ARG2: variants seen among roughly 807,000 people sequenced by gnomAD.
ARG2 encodes arginase 2, also known as arginase-2, mitochondrial.
A neutral mutation model predicts 39.4 loss-of-function variants in ARG2; 21 were observed. That is an observed-to-expected ratio of 0.53 (90% CI 0.38 to 0.77). The LOEUF (loss-of-function observed/expected upper bound fraction) is 0.77, where lower values mean the gene tolerates loss of function less well. Ranked by LOEUF, ARG2 falls within the 30% of genes least tolerant of loss-of-function variation. The pLI is 0.00. For missense variants in ARG2, 378 were observed against 426.2 expected, an observed-to-expected ratio of 0.89 and a Z score of 1.00; for synonymous variants, 150 against 156.7, an observed-to-expected ratio of 0.96 and a Z score of 0.32.
intron 6 of ARG2, 199 bp from the exon 7 acceptor site, chr14:67,647,848 T>C: frequency 1.7e-6 from 1 of 584,032 alleles, no homozygotes; most frequent in Non-Finnish European, 3.0e-6. Flanking sequence ...TATCATGAAG[T>C]GGTATGTAGG....
At chr14:67,623,750 C>T (rs1357787973) in intron 2 of ARG2, among the ~76,000 whole-genome samples, 2 of 152,166 alleles carry the variant, frequency 1.3e-5, no homozygotes, top group African/African-American at 4.8e-5. Context: ...CCATGTTGGC[C>T]AGGCTGATCT....
At chr14:67,650,518 C>T (rs2037158865) in intron 7 of ARG2, 197 bp from the exon 8 acceptor site, 4 of 600,190 alleles carry the variant, frequency 6.7e-6, no homozygotes, top group Non-Finnish European at 1.2e-5. Context: ...TTTTAATCTA[C>T]TATAGCACAA....
chr14:67,642,064 A>T (rs1330589674), intron 2 of ARG2, 122 bp from the exon 3 acceptor site: 2 of 1,003,144 alleles, frequency 2.0e-6, no homozygotes, highest in African/African-American at 3.2e-5. Context: ...GACATTTTAA[A>T]TTTTACTGTG....
At chr14:67,622,396 T>G (rs2036819975) in intron 2 of ARG2, among the ~76,000 whole-genome samples, 1 of 152,198 alleles carries the variant, frequency 6.6e-6, no homozygotes, top group African/African-American at 2.4e-5. Context: ...TGAGTTGAGG[T>G]GTCCTTCATA....
At chr14:67,648,478 TA>T (rs1201798838) in intron 7 of ARG2, 1 of 225,452 alleles carries the variant, frequency 4.4e-6, no homozygotes, top group African/African-American at 2.3e-5. Flanking sequence ...TTGAGTTATC[TA>T]AAGGCAGATT....
chr14:67,638,255 G>A (rs2036993213), intron 2 of ARG2, among the ~76,000 whole-genome samples: 1 of 152,014 alleles, frequency 6.6e-6, no homozygotes, highest in African/African-American at 2.4e-5. Flanking sequence ...CAGGCATGGT[G>A]GCTCACATCT....
At position 67,651,242 on chromosome 14, in the gene ARG2, C is replaced by T; in HGVS notation, c.*322C>T. On this transcript the variant is annotated 3_prime_UTR_variant, in exon 8 of 8. Transcript: ENST00000261783. ...CACATTTAAGTGGTTTTTCATCTTT[C>T]CTCCCTCCTCCCACAGCCTGGCTAT... The T allele has an allele frequency of 6.7e-7, 1 of 1,495,486 alleles. No homozygotes were observed. Among genetic ancestry groups the T allele is most frequent in the Admixed American group, 2.3e-5 (1 of 43,018 alleles). 92.6% of individuals were successfully genotyped at this position (1,495,486 alleles called of 1,614,324 possible). A position where few individuals can be genotyped will look rare whatever the true frequency, so the allele number is the denominator to read the frequency against.
chr14:67,638,242 G>A (rs76614406), intron 2 of ARG2, among the ~76,000 whole-genome samples: 2,853 of 152,064 alleles, frequency 0.019, 40 homozygotes, highest in Middle Eastern at 0.054. Flanking sequence ...CCTATAACTA[G>A]CCCAGGCATG....
In ARG2 at chr14:67,651,460, C is replaced by T; in HGVS notation, c.*540C>T. On this transcript the variant is annotated 3_prime_UTR_variant, in exon 8 of 8. Transcript: ENST00000261783. ...GCTCCAGTAAGATGATAATGGAAAGCAGCAGCTTGTTGGTTGTCACTCTAC... is the reference window on the plus strand; with the variant it reads ...GCTCCAGTAAGATGATAATGGAAAGTAGCAGCTTGTTGGTTGTCACTCTAC... 3 of 1,613,856 alleles carry T rather than the reference C, an allele frequency of 1.9e-6. No individual in the cohort carries two copies. Among genetic ancestry groups the T allele is most frequent in the Non-Finnish European group, 2.5e-6 (3 of 1,179,772 alleles).
chr14:67,640,879 G>A (rs2037022889), intron 2 of ARG2, among the ~76,000 whole-genome samples: 1 of 152,182 alleles, frequency 6.6e-6, no homozygotes, highest in South Asian at 2.1e-4. Flanking sequence ...AAGGATAGAG[G>A]TTGAGCGTCC....
At chr14:67,631,309 C>T (rs2036915755) in intron 2 of ARG2, among the ~76,000 whole-genome samples, 1 of 152,136 alleles carries the variant, frequency 6.6e-6, no homozygotes, top group South Asian at 2.1e-4. Context: ...CTTTCTAATA[C>T]AATGAACAGA....
chr14:67,630,125 A>G (rs2036904605), intron 2 of ARG2, among the ~76,000 whole-genome samples: 1 of 152,138 alleles, frequency 6.6e-6, no homozygotes, highest in South Asian at 2.1e-4. Context: ...CATCCCCCAC[A>G]TCAGTTGTAT....
chr14:67,630,128 AGTT>A (rs1372889809), intron 2 of ARG2, among the ~76,000 whole-genome samples: 1 of 152,066 alleles, frequency 6.6e-6, no homozygotes, highest in African/African-American at 2.4e-5. Flanking sequence ...CCCCCACATC[AGTT>A]GTATTGACAA....
chr14:67,643,906 A>C, intron 3 of ARG2, among the ~76,000 whole-genome samples: 1 of 147,916 alleles, frequency 6.8e-6, no homozygotes, highest in South Asian at 2.1e-4. Flanking sequence ...GAAAACGGTC[A>C]CACCCAGGTT....
chr14:67,640,894 T>C (rs1166475435), intron 2 of ARG2, among the ~76,000 whole-genome samples: 1 of 152,196 alleles, frequency 6.6e-6, no homozygotes, highest in Non-Finnish European at 1.5e-5. Flanking sequence ...GCGTCCCTAA[T>C]CCAGAAATCC....
rs1421799594 is a variant in ARG2 at position 67,619,946 on chromosome 14, C to G, written c.-32C>G. ...CTCCCGGCTTCCAACCGCGCGGAGC[C>G]TCTGCCTTGGAGATTCTCAGTGCTG... On this transcript the variant is annotated 5_prime_UTR_variant, in exon 1 of 8. Transcript: ENST00000261783. 2.7e-6 allele frequency: 4 copies of G among 1,468,258 alleles called. No individual in the cohort carries two copies. Among genetic ancestry groups the G allele is most frequent in the Non-Finnish European group, 9.2e-7 (1 of 1,088,380 alleles). The allele number at this position is 1,468,258 out of a possible 1,614,324, so 91.0% of individuals were successfully genotyped here.
At chr14:67,631,060 C>T (rs1460135884) in intron 2 of ARG2, among the ~76,000 whole-genome samples, 1 of 152,182 alleles carries the variant, frequency 6.6e-6, no homozygotes, top group Non-Finnish European at 1.5e-5. Context: ...TCCCTCCCCT[C>T]ACCTCGTGTC....
At chr14:67,620,128 G>A in intron 1 of ARG2, 40 bp downstream of exon 1, 7 of 1,451,180 alleles carry the variant, frequency 4.8e-6, no homozygotes, top group South Asian at 3.7e-5. Flanking sequence ...AGGATCCTCC[G>A]CCCCCTAGAA....
chr14:67,622,568 C>G (rs1414843479), intron 2 of ARG2, among the ~76,000 whole-genome samples: 2 of 152,220 alleles, frequency 1.3e-5, no homozygotes, highest in Non-Finnish European at 2.9e-5. Context: ...ATTTAGTCTT[C>G]TTTTAATGTG....
Sources: gnomAD v4.1 joint callset for allele counts (sites outside exome capture counted in the v4.1 genomes callset) on GRCh38, gnomAD v4.1.1 for gene constraint, MANE v1.5 for transcripts, NCBI Gene and HGNC (gene_info 2026-07-23, HGNC 2026-07-21) for gene names.